PLIN1: variants seen among roughly 807,000 people sequenced by gnomAD.
PLIN1 encodes perilipin 1.
PLIN1 carries 37 observed loss-of-function variants against 45.8 expected under a neutral mutation model. The ratio of observed to expected loss-of-function variants is 0.81; its 90% CI spans 0.62 to 1.06. PLIN1 has a LOEUF of 1.06. Ranked by LOEUF, PLIN1 falls within the 50% of genes least tolerant of loss-of-function variation. The pLI, the probability that PLIN1 is intolerant of heterozygous loss-of-function variation, is 0.00. For synonymous variants in PLIN1, 340 were observed against 309.2 expected, an observed-to-expected ratio of 1.10 and a Z score of -1.05; for missense variants, 776 against 716.5, an observed-to-expected ratio of 1.08 and a Z score of -0.95.
In PLIN1 at chr15:89,673,349, G is replaced by C. The variant is rs1964468613; in HGVS notation, c.111C>G (p.Phe37Leu). 1.1e-5 allele frequency: 18 copies of C among 1,602,368 alleles called. No homozygotes were observed. Among genetic ancestry groups the C allele is most frequent in the Non-Finnish European group, 1.4e-5 (16 of 1,174,260 alleles). Residue 37 changes from phenylalanine (F) to leucine (L), a missense_variant, in exon 3 of 9, where the codon TTC becomes TTG. By Grantham distance (22) the Phe-to-Leu change is conservative (BLOSUM62 0). Transcript: ENST00000300055. ...CCTTAGTGCTGGTGTAGGTCTTCTG[G>C]AAGCATTCGCAGGTGCCACTCACCA... The part of the protein sequence containing the change: ...LPVVSGTCEC[F>L]QKTYTSTKEA...
chr15:89,678,440 G>A (rs893888940), intron 1 of PLIN1, among the ~76,000 whole-genome samples: 37 of 151,930 alleles, frequency 2.4e-4, no homozygotes, highest in Admixed American at 3.3e-4. Context: ...AGCCTGAGAG[G>A]TGGAGGTTGC....
intron 1 of PLIN1, chr15:89,677,982 C>T (rs1311849993): frequency 6.3e-6 from 1 of 158,002 alleles, no homozygotes; most frequent in Non-Finnish European, 1.4e-5. Flanking sequence ...TGGTGTCGAA[C>T]TCCTGACCTC....
chr15:89,677,717 A>C (rs1041200517), intron 1 of PLIN1: 2 of 588,634 alleles, frequency 3.4e-6, no homozygotes, highest in East Asian at 5.5e-5. Flanking sequence ...CTTACTTGTC[A>C]AGACTGATGT....
In PLIN1 at chr15:89,667,796, G is replaced by A. The variant is rs374298394; in HGVS notation, c.772-3C>T. On this transcript the variant is annotated splice_polypyrimidine_tract_variant and splice_region_variant and intron_variant, in intron 6 of 8. Transcript: ENST00000300055. ...GCACCCCACTGGGCCAGGCTGCTCT[G>A]AGGGAGGATGGCAGCAGATAGCTGG... 5 of 1,553,388 alleles carry A rather than the reference G, an allele frequency of 3.2e-6. No individual in the cohort carries two copies. Among genetic ancestry groups the A allele is most frequent in the Non-Finnish European group, 4.4e-6 (5 of 1,149,346 alleles).
Position 89,667,125 on chromosome 15 carries a change from C to G in PLIN1, c.1020G>C (p.Gln340His). The change falls in exon 8 of 9, where the codon CAG becomes CAC. Residue 340 changes from glutamine (Q) to histidine (H), a missense_variant. Coordinates refer to ENST00000300055, the MANE Select transcript of PLIN1 (RefSeq NM_002666.5). ...CCGAGATGGTGGTCTGGAGGGTCTT[C>G]TGCAGGGTATGTGCCACACCACCCA... Reference protein sequence around the residue: ...GLLGGVAHTLQKTLQTTISAV... With the variant: ...GLLGGVAHTLHKTLQTTISAV... 1.9e-6 allele frequency: 3 copies of G among 1,613,490 alleles called. No homozygotes were observed. The highest frequency in any genetic ancestry group is 2.5e-6 in the Non-Finnish European group (3 of 1,179,486).
At chr15:89,671,111 T>C (rs1187506737) in intron 4 of PLIN1, among the ~76,000 whole-genome samples, 2 of 152,196 alleles carry the variant, frequency 1.3e-5, no homozygotes, top group Non-Finnish European at 2.9e-5. Flanking sequence ...GGGATGACAC[T>C]CCTGGGATCT....
chr15:89,666,141 C>T (rs1964336714), intron 8 of PLIN1, among the ~76,000 whole-genome samples, 199 bp from the exon 9 acceptor site: 1 of 152,220 alleles, frequency 6.6e-6, no homozygotes, highest in African/African-American at 2.4e-5. Context: ...CTCCATGGAC[C>T]AGGCTGCTCA....
In PLIN1 at chr15:89,667,095, C is replaced by T; in HGVS notation, c.1050G>A (p.Val350=). The change falls in exon 8 of 9, where the codon GTG becomes GTA. Residue 350 remains valine, a synonymous_variant. Transcript: ENST00000300055. ...QKTLQTTISA[V]TWAPAAVLGM... is the part of the protein sequence containing the mutation. The stretch of plus-strand genomic sequence containing the variant: ...CCAGCACAGCTGCAGGTGCCCATGT[C>T]ACAGCCGAGATGGTGGTCTGGAGGG... 3 of 1,614,120 alleles carry T rather than the reference C, an allele frequency of 1.9e-6. No individual in the cohort carries two copies. Among genetic ancestry groups the T allele is most frequent in the Non-Finnish European group, 2.5e-6 (3 of 1,180,006 alleles).
rs74407840 is a variant in PLIN1, at chr15:89,667,663, G to A, written c.902C>T (p.Thr301Met). 3.2e-3 allele frequency: 5,130 copies of A among 1,606,338 alleles called. 13 individuals are homozygous for A. Among genetic ancestry groups the A allele is most frequent in the Non-Finnish European group, 4.0e-3 (4,661 of 1,176,040 alleles). Residue 301 changes from threonine (T) to methionine (M), a missense_variant, in exon 7 of 9, where the codon ACG (threonine) becomes ATG (methionine). Transcript: ENST00000300055. ...QEEDHEDQTD[T>M]EGEDTEEEEE... is the part of the protein sequence containing the mutation. ...CTCCTCCTCCGTGTCCTCTCCCTCC[G>A]TGTCTGTCTGGTCCTCATGATCCTC...
At chr15:89,677,372 C>A in intron 2 of PLIN1, 73 bp downstream of exon 2, 1 of 1,175,184 alleles carries the variant, frequency 8.5e-7, no homozygotes, top group African/African-American at 1.5e-5. Context: ...AAGTCCCCTG[C>A]ATCTCCCCTC....
At position 89,665,664 on chromosome 15, in the gene PLIN1, G is replaced by C. The variant is rs1178776777; in HGVS notation, c.1488C>G (p.Val496=). ...CGCTGGGCCGGAAGAAGCTGTCGCTGACCCTGCGCTTTGGCTTCTCGCGGG... is the reference window on the plus strand; with the variant it reads ...CGCTGGGCCGGAAGAAGCTGTCGCTCACCCTGCGCTTTGGCTTCTCGCGGG... The part of the protein sequence containing the change: ...AVPREKPKRR[V]SDSFFRPSVM... The change falls in exon 9 of 9, where the codon GTC becomes GTG. Residue 496 remains valine (V), a synonymous_variant. Transcript: ENST00000300055. 2 of 1,492,762 alleles carry C rather than the reference G, an allele frequency of 1.3e-6. No individual in the cohort carries two copies. The highest frequency in any genetic ancestry group is 2.8e-5 in the East Asian group (1 of 35,912). 92.5% of individuals were successfully genotyped at this position (1,492,762 alleles called of 1,614,324 possible).
chr15:89,673,184 A>G (rs1334653697), intron 3 of PLIN1, 26 bp downstream of exon 3: 8 of 1,509,822 alleles, frequency 5.3e-6, no homozygotes, highest in Non-Finnish European at 9.0e-7. Context: ...ACAAGCAGGC[A>G]GCTGCTGAGC....
intron 2 of PLIN1, among the ~76,000 whole-genome samples, chr15:89,675,304 G>T (rs1322845865): frequency 6.6e-6 from 1 of 150,894 alleles, no homozygotes; most frequent in Non-Finnish European, 1.5e-5. Flanking sequence ...ACTGGTCTTT[G>T]AGTAAAAGAA....
rs748949570 is a variant in PLIN1, at chr15:89,667,118, G to A, written c.1027C>T (p.Leu343Phe). 1.9e-5 allele frequency: 31 copies of A among 1,613,948 alleles called. No individual in the cohort carries two copies. The highest frequency in any genetic ancestry group is 2.5e-5 in the Non-Finnish European group (30 of 1,180,030). ...GTCACAGCCGAGATGGTGGTCTGGAGGGTCTTCTGCAGGGTATGTGCCACA... is the reference window on the plus strand; with the variant it reads ...GTCACAGCCGAGATGGTGGTCTGGAAGGTCTTCTGCAGGGTATGTGCCACA... Reference protein sequence around the residue: ...GGVAHTLQKTLQTTISAVTWA... With the variant: ...GGVAHTLQKTFQTTISAVTWA... The change falls in exon 8 of 9, where the codon CTC becomes TTC. Residue 343 changes from leucine to phenylalanine, a missense_variant. Leu to Phe is a conservative substitution (Grantham distance 22, BLOSUM62 0). Transcript: ENST00000300055.
chr15:89,666,343 C>T (rs939315093), intron 8 of PLIN1, among the ~76,000 whole-genome samples: 4 of 152,084 alleles, frequency 2.6e-5, no homozygotes, highest in South Asian at 2.1e-4. Flanking sequence ...TGGCATGCTG[C>T]TTGGTAGAGT....
chr15:89,675,779 TGAG>T (rs1432459350), intron 2 of PLIN1, among the ~76,000 whole-genome samples: 3 of 151,926 alleles, frequency 2.0e-5, no homozygotes, highest in East Asian at 1.9e-4. Flanking sequence ...ACTGAGTCGA[TGAG>T]GAGATTGACA....
chr15:89,675,914 A>G (rs1043218694), intron 2 of PLIN1, among the ~76,000 whole-genome samples: 3 of 152,170 alleles, frequency 2.0e-5, no homozygotes, highest in African/African-American at 7.2e-5. Context: ...AAGTGGGGGA[A>G]TTAATGGAAG....
intron 3 of PLIN1, 66 bp downstream of exon 3, chr15:89,673,144 C>T (rs919860568): frequency 1.9e-5 from 23 of 1,214,570 alleles, no homozygotes; most frequent in East Asian, 1.5e-4. Flanking sequence ...GACTGAGAGG[C>T]GGACAGACAG....
chr15:89,666,834 A>G, intron 8 of PLIN1, 102 bp downstream of exon 8: 1 of 1,343,176 alleles, frequency 7.4e-7, no homozygotes, highest in Non-Finnish European at 1.1e-6. Flanking sequence ...CCAGAGGAGT[A>G]GGGGAAAGGA....
Sources: gnomAD v4.1 joint callset for allele counts (sites outside exome capture counted in the v4.1 genomes callset) on GRCh38, gnomAD v4.1.1 for gene constraint, MANE v1.5 for transcripts, NCBI Gene and HGNC (gene_info 2026-07-23, HGNC 2026-07-21) for gene names.